Variants in TBC1D5 observed in about 807,000 individuals in gnomAD.
TBC1D5 encodes TBC1 domain family, member 5.
A neutral mutation model predicts 100.3 loss-of-function variants in TBC1D5; 75 were observed. The observed-to-expected ratio is 0.75, with a 90% confidence interval of 0.62 to 0.91. The LOEUF (loss-of-function observed/expected upper bound fraction) is 0.91. Ranked by LOEUF, TBC1D5 falls within the 40% of genes least tolerant of loss-of-function variation. The pLI is 0.00. For synonymous variants in TBC1D5, 323 were observed against 325.6 expected (o/e 0.99, Z 0.09); for missense variants, 910 against 942.4 (o/e 0.97, Z 0.45).
chr3:17,500,948 G>A (rs1017183514), intron 3 of TBC1D5, among the ~76,000 whole-genome samples: 1 of 149,228 alleles, frequency 6.7e-6, no homozygotes. Flanking sequence ...GAGGAACTAG[G>A]CTTGGCATGT....
rs1294414931 is a variant in TBC1D5 at position 17,269,643 on chromosome 3, C to G, written c.1246-11052G>C. ...AGTTTTATGGGTCTTGTCTCCCTCC[C>G]TCCCTCCCTCCCTCCTTCTGGAGTC... is the stretch of plus-strand genomic sequence containing the variant. On this transcript the variant is annotated intron_variant, in intron 15 of 21. Transcript: ENST00000253692. Among the ~76,000 whole-genome samples the G allele has an allele frequency of 2.0e-5, 3 of 152,030 alleles. No homozygotes were observed. In the East Asian group the frequency reaches 5.8e-4, roughly 29 times the overall value.
At chr3:17,376,558 G>A (rs768359424) in exon 10 of TBC1D5, 1 of 1,613,070 alleles carries the variant, frequency 6.2e-7, no homozygotes, top group Non-Finnish European at 8.5e-7. Flanking sequence ...ATGTAGAAAA[G>A]CTTGGTGGTC....
chr3:17,227,569 G>A (rs979966185), intron 17 of TBC1D5, among the ~76,000 whole-genome samples: 6 of 152,116 alleles, frequency 3.9e-5, no homozygotes, highest in African/African-American at 1.4e-4. Flanking sequence ...GGAGCTGGGG[G>A]CCATTATCTT....
intron 2 of TBC1D5, among the ~76,000 whole-genome samples, chr3:17,545,574 G>C (rs1409959373): frequency 6.6e-6 from 1 of 152,164 alleles, no homozygotes; most frequent in African/African-American, 2.4e-5. Flanking sequence ...CAACAAAAAT[G>C]AGTAACATTT....
At chr3:17,433,515 C>CAAG (rs58036424) in intron 3 of TBC1D5, among the ~76,000 whole-genome samples, 13,806 of 152,084 alleles carry the variant, frequency 0.091, 1,407 homozygotes, top group African/African-American at 0.25. Context: ...CTCACTATCA[C>CAAG]AAGAGCAGCA....
chr3:17,596,697 T>A (rs766152485), intron 2 of TBC1D5, among the ~76,000 whole-genome samples: 1 of 101,430 alleles, frequency 9.9e-6, no homozygotes, highest in South Asian at 3.3e-4. Context: ...AGAGACTCCA[T>A]CTCAAAAAAA....
chr3:17,260,024 G>A (rs953404554), intron 15 of TBC1D5, among the ~76,000 whole-genome samples: 2 of 152,128 alleles, frequency 1.3e-5, no homozygotes, highest in Non-Finnish European at 2.9e-5. Flanking sequence ...AAGTCTAACA[G>A]TGCAACTTTT....
At chr3:17,176,779 C>T (rs1341475092) in intron 19 of TBC1D5, among the ~76,000 whole-genome samples, 3 of 151,270 alleles carry the variant, frequency 2.0e-5, no homozygotes, top group South Asian at 2.1e-4. Flanking sequence ...TGCACATGCA[C>T]CCCAGAACTT....
chr3:17,348,800 T>G (rs1474315721), intron 13 of TBC1D5, among the ~76,000 whole-genome samples: 1 of 152,188 alleles, frequency 6.6e-6, no homozygotes, highest in East Asian at 1.9e-4. Flanking sequence ...CCTGTTCTCT[T>G]CATTCTAAGT....
intron 13 of TBC1D5, among the ~76,000 whole-genome samples, chr3:17,321,467 A>G (rs1186198179): frequency 6.6e-6 from 1 of 152,214 alleles, no homozygotes; most frequent in African/African-American, 2.4e-5. Context: ...TTAAAGCACA[A>G]CTGCTTTTAG....
chr3:17,583,429 G>C lies in TBC1D5; in HGVS notation c.-36+40420C>G, dbSNP rs2096712542. ...AAATAGTAAGTGTTAGCAAAATGTA[G>C]AGAAAGTGGAACCCGGCTGGGTGCG... On this transcript the variant is annotated intron_variant, in intron 2 of 21. Transcript: ENST00000253692. 2.0e-5 allele frequency among the ~76,000 whole-genome samples: 3 copies of C among 152,086 alleles called. No individual in the cohort carries two copies. The South Asian group carries it at 6.2e-4, about 32-fold the overall frequency.
chr3:17,508,965 T>C (rs2095872768), intron 2 of TBC1D5, among the ~76,000 whole-genome samples: 1 of 152,144 alleles, frequency 6.6e-6, no homozygotes, highest in Admixed American at 6.5e-5. Flanking sequence ...ACTTTCAAAA[T>C]ACAGAAAATA....
At chr3:17,630,170 C>T (rs534883597) in intron 1 of TBC1D5, among the ~76,000 whole-genome samples, 1 of 152,268 alleles carries the variant, frequency 6.6e-6, no homozygotes, top group East Asian at 1.9e-4. Context: ...TTTCTGTTAA[C>T]TAATTTCCTA....
At chr3:17,688,112 CTT>C (rs2070578217) in intron 1 of TBC1D5, among the ~76,000 whole-genome samples, 4 of 152,132 alleles carry the variant, frequency 2.6e-5, no homozygotes, top group African/African-American at 7.2e-5. Flanking sequence ...CTAAATATCA[CTT>C]TGAAGAATTT....
At chr3:17,247,988 A>ATTTTTTTTTTTTTTTTTTTT (rs201892029) in intron 16 of TBC1D5, among the ~76,000 whole-genome samples, 1 of 141,176 alleles carries the variant, frequency 7.1e-6, no homozygotes, top group African/African-American at 2.6e-5. Context: ...TCCTCCACTA[A>ATTTTTTTTTTTTTTTTTTTT]TTTTTTTTTT....
intron 4 of TBC1D5, among the ~76,000 whole-genome samples, chr3:17,407,076 C>T (rs2093790189): frequency 6.6e-6 from 1 of 151,776 alleles, no homozygotes; most frequent in South Asian, 2.1e-4. Flanking sequence ...CAGGTGTGGG[C>T]AAATTTGAAA....
intron 8 of TBC1D5, among the ~76,000 whole-genome samples, chr3:17,394,809 T>C (rs2093454038): frequency 1.3e-5 from 2 of 152,018 alleles, no homozygotes; most frequent in South Asian, 2.1e-4. Context: ...AATCGGGCGC[T>C]AGGGATATGA....
At chr3:17,471,917 G>A (rs934257373) in intron 3 of TBC1D5, among the ~76,000 whole-genome samples, 2 of 151,908 alleles carry the variant, frequency 1.3e-5, no homozygotes, top group Non-Finnish European at 2.9e-5. Flanking sequence ...TGTGGGAGGC[G>A]GTCAGAACAT....
At chr3:17,518,720 GAAAGCC>G (rs2096023585) in intron 2 of TBC1D5, among the ~76,000 whole-genome samples, 3 of 152,254 alleles carry the variant, frequency 2.0e-5, no homozygotes, top group African/African-American at 4.8e-5. Context: ...CAAAAAGGCA[GAAAGCC>G]CACTGAGCTG....
Sources: gnomAD v4.1 joint callset for allele counts (sites outside exome capture counted in the v4.1 genomes callset) on GRCh38, gnomAD v4.1.1 for gene constraint, MANE v1.5 for transcripts, NCBI Gene and HGNC (gene_info 2026-07-23, HGNC 2026-07-21) for gene names.